The following LDB2 variants were observed in gnomAD, a reference collection of about 807,000 sequenced individuals.
LDB2 encodes the protein LIM domain binding 2, also known as LIM domain-binding protein 2.
Under a neutral mutation model 44.3 loss-of-function variants are expected in LDB2, and 12 were observed. That is an observed-to-expected ratio of 0.27 (90% CI 0.17 to 0.44). The LOEUF (loss-of-function observed/expected upper bound fraction) is 0.44. LDB2 is among the 20% of genes least tolerant of loss of function. LDB2 has a pLI of 1.00. For synonymous variants in LDB2, 164 were observed against 174.8 expected (o/e 0.94, Z 0.49); for missense variants, 344 against 473.5 (o/e 0.73, Z 2.54).
intron 1 of LDB2, among the ~76,000 whole-genome samples, chr4:16,887,230 A>C (rs536725263): frequency 6.8e-4 from 103 of 151,538 alleles, no homozygotes; most frequent in Non-Finnish European, 1.2e-3. Context: ...GAAAAAAAAA[A>C]AAAAGAAAAA....
At chr4:16,519,703 CTA>C (rs926029443) in intron 5 of LDB2, among the ~76,000 whole-genome samples, 14 of 151,016 alleles carry the variant, frequency 9.3e-5, no homozygotes, top group Non-Finnish European at 1.5e-5. Context: ...CATTATCTAG[CTA>C]TGTGTTCTTG....
At chr4:16,612,662 G>A (rs1726002617) in intron 2 of LDB2, among the ~76,000 whole-genome samples, 1 of 152,144 alleles carries the variant, frequency 6.6e-6, no homozygotes, top group East Asian at 1.9e-4. Context: ...GGAAGAAGTT[G>A]AATCCCTGAA....
chr4:16,595,760 C>G lies in LDB2; in HGVS notation c.351G>C (p.Thr117=). Residue 117 remains threonine (T), a synonymous_variant, in exon 3 of 8, where the codon ACG becomes ACC. Coordinates refer to ENST00000304523, the MANE Select transcript of LDB2 (RefSeq NM_001290.5). ...SKESYHNSSI[T]VDCDQCTMVT... ...CCATGGTACACTGGTCGCAGTCCAC[C>G]GTGATGGATGAGTTGTGGTATGACT... 1.2e-6 allele frequency: 2 copies of G among 1,613,802 alleles called. No homozygotes were observed. The highest frequency in any genetic ancestry group is 1.7e-6 in the Non-Finnish European group (2 of 1,179,878).
chr4:16,522,584 G>C (rs1291788883), intron 5 of LDB2, among the ~76,000 whole-genome samples: 1 of 152,178 alleles, frequency 6.6e-6, no homozygotes, highest in Non-Finnish European at 1.5e-5. Context: ...TATGGTGTCT[G>C]TGGGTCCTAC....
chr4:16,809,211 C>T (rs1448763735), intron 1 of LDB2, among the ~76,000 whole-genome samples: 1 of 152,120 alleles, frequency 6.6e-6, no homozygotes, highest in Middle Eastern at 3.2e-3. Context: ...TGACCAGATG[C>T]TACATAACAG....
chr4:16,812,890 A>C (rs1780172726), intron 1 of LDB2, among the ~76,000 whole-genome samples: 1 of 152,136 alleles, frequency 6.6e-6, no homozygotes, highest in African/African-American at 2.4e-5. Context: ...TAATCTTCTA[A>C]GATGGCGAAA....
chr4:16,819,546 ATT>A (rs369337544), intron 1 of LDB2, among the ~76,000 whole-genome samples: 8 of 146,444 alleles, frequency 5.5e-5, no homozygotes, highest in African/African-American at 2.0e-4. Flanking sequence ...TTCAAGCAGT[ATT>A]TTTTTTTTAA....
At chr4:16,628,016 C>A (rs1227433115) in intron 2 of LDB2, among the ~76,000 whole-genome samples, 1 of 152,122 alleles carries the variant, frequency 6.6e-6, no homozygotes, top group Non-Finnish European at 1.5e-5. Flanking sequence ...TTAAAGAAAT[C>A]CACTCTGATT....
In LDB2 at chr4:16,823,088, A is replaced by G. The variant is rs372749830; in HGVS notation, c.133-63828T>C. Reference sequence around the variant, plus strand: ...CCTGCCAGGATTCACAGCACACTTGATATAAGCACAATTTGTCTGTCTTCC... The same window carrying G: ...CCTGCCAGGATTCACAGCACACTTGGTATAAGCACAATTTGTCTGTCTTCC... On this transcript the variant is annotated intron_variant, in intron 1 of 7. Coordinates refer to ENST00000304523, the MANE Select transcript of LDB2 (RefSeq NM_001290.5). 5.8e-4 allele frequency among the ~76,000 whole-genome samples: 89 copies of G among 152,326 alleles called. No individual in the cohort carries two copies. The South Asian group carries it at 6.2e-3, about 11-fold the overall frequency.
intron 1 of LDB2, among the ~76,000 whole-genome samples, chr4:16,862,832 A>G (rs1713155004): frequency 6.6e-6 from 1 of 152,078 alleles, no homozygotes; most frequent in African/African-American, 2.4e-5. Context: ...AGAAAGCCAC[A>G]GTCCTCCGCC....
At chr4:16,880,249 G>A (rs780858334) in intron 1 of LDB2, among the ~76,000 whole-genome samples, 7 of 152,124 alleles carry the variant, frequency 4.6e-5, no homozygotes, top group Non-Finnish European at 1.0e-4. Context: ...TTAGAATTCA[G>A]GTTCTGGGTG....
At chr4:16,708,479 C>T (rs902103302) in intron 2 of LDB2, among the ~76,000 whole-genome samples, 123 of 152,102 alleles carry the variant, frequency 8.1e-4, no homozygotes, top group African/African-American at 2.9e-3. Context: ...GTCCTCTTCC[C>T]CTCTCCTCCT....
In LDB2 at chr4:16,700,042, A is replaced by C. The variant is rs184261247; in HGVS notation, c.235+59116T>G. Among the ~76,000 whole-genome samples, 55 of 152,304 alleles carry C rather than the reference A, an allele frequency of 3.6e-4. No homozygotes were observed. In the East Asian group the frequency reaches 8.1e-3, roughly 22 times the overall value. ...GTCAGATTTTTTTTCGGATTTTGGA[A>C]GGTTTGTGTTGTACACTGAACTGTA... On this transcript the variant is annotated intron_variant, in intron 2 of 7. Transcript: ENST00000304523.
At chr4:16,727,028 T>C (rs959210424) in intron 2 of LDB2, among the ~76,000 whole-genome samples, 9 of 152,322 alleles carry the variant, frequency 5.9e-5, no homozygotes, top group Admixed American at 1.3e-4. Context: ...TTAAGGTGGC[T>C]TGATGGTAAG....
intron 1 of LDB2, among the ~76,000 whole-genome samples, chr4:16,854,754 T>A (rs907603049): frequency 6.6e-6 from 1 of 151,132 alleles, no homozygotes; most frequent in Non-Finnish European, 1.5e-5. Flanking sequence ...CTATTTCATG[T>A]AGAGGAGGAG....
intron 2 of LDB2, among the ~76,000 whole-genome samples, chr4:16,758,629 C>A (rs188532138): frequency 6.6e-6 from 1 of 152,294 alleles, no homozygotes; most frequent in East Asian, 1.9e-4. Context: ...AGACAAGGAA[C>A]TATAATTCTG....
chr4:16,534,276 T>A (rs1487618734), intron 5 of LDB2, among the ~76,000 whole-genome samples: 1 of 152,236 alleles, frequency 6.6e-6, no homozygotes, highest in Admixed American at 6.5e-5. Context: ...TGTTCTCATT[T>A]TATCTCAGCC....
intron 1 of LDB2, among the ~76,000 whole-genome samples, chr4:16,831,933 T>C (rs1207410605): frequency 6.6e-6 from 1 of 152,188 alleles, no homozygotes; most frequent in Non-Finnish European, 1.5e-5. Flanking sequence ...TCCTGGACTC[T>C]GGATTGCAAC....
chr4:16,619,006 T>C (rs551888263), intron 2 of LDB2, among the ~76,000 whole-genome samples: 1 of 152,288 alleles, frequency 6.6e-6, no homozygotes, highest in South Asian at 2.1e-4. Context: ...CCCTTCGACT[T>C]TCGCCATGAT....
Sources: gnomAD v4.1 joint callset for allele counts (sites outside exome capture counted in the v4.1 genomes callset) on GRCh38, gnomAD v4.1.1 for gene constraint, MANE v1.5 for transcripts, NCBI Gene and HGNC (gene_info 2026-07-23, HGNC 2026-07-21) for gene names.